Variants in PANK2 observed in about 807,000 individuals in gnomAD.
PANK2 encodes pantothenate kinase 2, mitochondrial.
Under a neutral mutation model 43.1 loss-of-function variants are expected in PANK2, and 36 were observed. That is an observed-to-expected ratio of 0.84 (90% CI 0.64 to 1.10). PANK2 has a LOEUF of 1.10. Ranked by LOEUF, PANK2 falls within the 50% of genes least tolerant of loss-of-function variation. PANK2 has a pLI of 0.00. For synonymous variants in PANK2, 281 were observed against 238.2 expected, an observed-to-expected ratio of 1.18 and a Z score of -1.66; for missense variants, 576 against 593.3, an observed-to-expected ratio of 0.97 and a Z score of 0.30.
chr20:3,910,897 A>G (rs986625589), intron 3 of PANK2, 67 bp downstream of exon 3: 20 of 1,563,040 alleles, frequency 1.3e-5, no homozygotes, highest in Non-Finnish European at 1.8e-5. Context: ...CAGGTATTAC[A>G]TGTAACTACA....
chr20:3,910,173 G>C (rs2090445824), intron 2 of PANK2, among the ~76,000 whole-genome samples: 1 of 152,138 alleles, frequency 6.6e-6, no homozygotes, highest in Non-Finnish European at 1.5e-5. Flanking sequence ...CACAGTCCTT[G>C]TGGCTCCCAC....
chr20:3,896,572 G>T (rs573074082), intron 1 of PANK2, among the ~76,000 whole-genome samples: 3 of 152,292 alleles, frequency 2.0e-5, no homozygotes, highest in South Asian at 4.1e-4. Context: ...GGATTAGAGG[G>T]TTGGGACTTT....
At chr20:3,911,619 C>T (rs992127902) in intron 3 of PANK2, among the ~76,000 whole-genome samples, 1 of 148,788 alleles carries the variant, frequency 6.7e-6, no homozygotes, top group Non-Finnish European at 1.5e-5. Context: ...GGGCCAGGCA[C>T]GGCAGCTTAT....
In PANK2 at chr20:3,929,809, G is replaced by A. The variant is rs1056162143; in HGVS notation, c.*6515G>A. ...GATTAGCTGGGCATTTGGGGTAAGG[G>A]AGGGACTGCAGATTCTGATTTGTAC... On this transcript the variant is annotated 3_prime_UTR_variant, in exon 7 of 7. Coordinates refer to ENST00000610179, the MANE Select transcript of PANK2 (RefSeq NM_001386393.1). The A allele has an allele frequency of 1.3e-5, 2 of 152,272 alleles. No individual in the cohort carries two copies. The highest frequency in any genetic ancestry group is 2.9e-5 in the Non-Finnish European group (2 of 68,050). The allele number at this position is 152,272 out of a possible 1,614,324, so 9.4% of individuals were successfully genotyped here.
In PANK2 at chr20:3,926,552, C is replaced by T. The variant is rs1403987704; in HGVS notation, c.*3258C>T. ...AGGCTTTGGACGTTTTTTCTCCTGA[C>T]ACTAGTTATTTCCAGGCCTGGGATA... On this transcript the variant is annotated 3_prime_UTR_variant, in exon 7 of 7. Transcript: ENST00000610179. The T allele has an allele frequency of 6.6e-6, 1 of 152,366 alleles. No individual in the cohort carries two copies. The highest frequency in any genetic ancestry group is 2.4e-5 in the African/African-American group (1 of 41,442). 9.4% of individuals were successfully genotyped at this position (152,366 alleles called of 1,614,324 possible).
At chr20:3,892,217 G>T (rs973937841) in intron 1 of PANK2, among the ~76,000 whole-genome samples, 1 of 152,074 alleles carries the variant, frequency 6.6e-6, no homozygotes, top group Non-Finnish European at 1.5e-5. Context: ...GGTGGTGCAT[G>T]CCTGTAATCC....
At chr20:3,895,312 C>T (rs2090188052) in intron 1 of PANK2, among the ~76,000 whole-genome samples, 1 of 151,486 alleles carries the variant, frequency 6.6e-6, no homozygotes, top group Admixed American at 6.6e-5. Flanking sequence ...TAATAATAAA[C>T]AAATTAGCAG....
chr20:3,917,051 G>A lies in PANK2; in HGVS notation c.1206+1G>A. ...AGCAAGAATGTGTGCCCTTAATGAAGTAAGGGGACATGGATTTCTTTAATT... is the reference window on the plus strand; with the variant it reads ...AGCAAGAATGTGTGCCCTTAATGAAATAAGGGGACATGGATTTCTTTAATT... On this transcript the variant is annotated splice_donor_variant, in intron 5 of 6. Transcript: ENST00000610179. LOFTEE classifies it high-confidence loss of function. 6.2e-7 allele frequency: 1 copy of A among 1,614,018 alleles called. No homozygotes were observed. The highest frequency in any genetic ancestry group is 8.5e-7 in the Non-Finnish European group (1 of 1,179,924).
At chr20:3,890,083 A>G (rs753801923) in intron 1 of PANK2, among the ~76,000 whole-genome samples, 1 of 152,074 alleles carries the variant, frequency 6.6e-6, no homozygotes. Context: ...TTTCCTCCCA[A>G]ATCCTTTGAA....
intron 1 of PANK2, among the ~76,000 whole-genome samples, chr20:3,890,315 A>G (rs2090100865): frequency 1.3e-5 from 2 of 152,172 alleles, no homozygotes. Context: ...CCTTCTGTCT[A>G]TTTGCAGGTA....
chr20:3,912,903 C>T (rs1010238237), intron 4 of PANK2, among the ~76,000 whole-genome samples: 4 of 120,114 alleles, frequency 3.3e-5, no homozygotes, highest in Admixed American at 1.1e-4. Context: ...TGAGCTCCAG[C>T]CTAGGTAACG....
intron 1 of PANK2, among the ~76,000 whole-genome samples, chr20:3,902,230 G>C (rs114321877): frequency 0.01 from 1,555 of 150,630 alleles, 35 homozygotes; most frequent in African/African-American, 0.035. Context: ...GCGGTGGCAT[G>C]GTCATAGCTT....
Position 3,889,610 on chromosome 20 carries a change from G to A in PANK2, c.180G>A (p.Ala60=), listed in dbSNP as rs1167325149. The change falls in exon 1 of 7, where the codon GCG becomes GCA. Residue 60 remains alanine, a synonymous_variant. Transcript: ENST00000610179. Reference sequence around the variant, plus strand: ...CACTGCGGCGCCGGGCGAGCAGCGCGTCGGTGCCCGCGGTCGGGGCCTCGG... The same window carrying A: ...CACTGCGGCGCCGGGCGAGCAGCGCATCGGTGCCCGCGGTCGGGGCCTCGG... 14 of 1,532,916 alleles carry A rather than the reference G, an allele frequency of 9.1e-6. No individual in the cohort carries two copies. Among genetic ancestry groups the A allele is most frequent in the East Asian group, 2.5e-5 (1 of 39,834 alleles). The allele number at this position is 1,532,916 out of a possible 1,614,324, so 95.0% of individuals were successfully genotyped here. A position where few individuals can be genotyped will look rare whatever the true frequency, so the allele number is the denominator to read the frequency against.
At chr20:3,906,886 C>T (rs1298630168) in intron 1 of PANK2, among the ~76,000 whole-genome samples, 3 of 151,968 alleles carry the variant, frequency 2.0e-5, no homozygotes, top group Admixed American at 6.6e-5. Flanking sequence ...GCAGCTTCTG[C>T]CTCATGGGTT....
intron 2 of PANK2, 137 bp from the exon 3 acceptor site, chr20:3,910,440 G>A: frequency 2.0e-6 from 2 of 995,726 alleles, no homozygotes; most frequent in South Asian, 1.4e-5. Flanking sequence ...AATCTGTTCT[G>A]TAAAGCATGC....
chr20:3,906,112 A>G (rs1170457380), intron 1 of PANK2, among the ~76,000 whole-genome samples: 1 of 151,544 alleles, frequency 6.6e-6, no homozygotes, highest in Non-Finnish European at 1.5e-5. Flanking sequence ...CATTCCATAA[A>G]CCCATCAGAA....
At chr20:3,918,419 T>C (rs1235368405) in intron 5 of PANK2, among the ~76,000 whole-genome samples, 2 of 152,158 alleles carry the variant, frequency 1.3e-5, no homozygotes, top group Admixed American at 6.6e-5. Context: ...AAACTAGTTA[T>C]TGTTGGTCAG....
intron 2 of PANK2, among the ~76,000 whole-genome samples, chr20:3,910,295 G>GTTTTTTTTTTTTTTT (rs11441747): frequency 6.9e-6 from 1 of 143,906 alleles, no homozygotes; most frequent in African/African-American, 2.6e-5. Context: ...AAATGCTGTG[G>GTTTTTTTTTTTTTTT]TTTTTTTTTT....
chr20:3,923,139 T>C, intron 6 of PANK2, 105 bp from the exon 7 acceptor site: 1 of 1,298,092 alleles, frequency 7.7e-7, no homozygotes, highest in Non-Finnish European at 1.1e-6. Context: ...GAAATGGGTA[T>C]GCTGTGTGTG....
Sources: gnomAD v4.1 joint callset for allele counts (sites outside exome capture counted in the v4.1 genomes callset) on GRCh38, gnomAD v4.1.1 for gene constraint, MANE v1.5 for transcripts, NCBI Gene and HGNC (gene_info 2026-07-23, HGNC 2026-07-21) for gene names.